ELP3: variants seen among roughly 807,000 people sequenced by gnomAD.
ELP3 encodes elongator complex protein 3.
ELP3 carries 56 observed loss-of-function variants against 74.9 expected under a neutral mutation model. The observed-to-expected ratio is 0.75, with a 90% CI of 0.60 to 0.93. The LOEUF is 0.93. ELP3 is among the 40% of genes least tolerant of loss of function. The probability of loss-of-function intolerance (pLI) is 0.00; values close to 1 mark genes in which losing one functional copy is unlikely to be tolerated. For missense variants in ELP3, 573 were observed against 686.5 expected (o/e 0.83, Z 1.85); for synonymous variants, 222 against 239.8 (o/e 0.93, Z 0.68).
At chr8:28,166,784 A>G (rs1379469346) in intron 14 of ELP3, among the ~76,000 whole-genome samples, 2 of 152,220 alleles carry the variant, frequency 1.3e-5, no homozygotes, top group Non-Finnish European at 2.9e-5. Context: ...CTATTTAAAA[A>G]GCCATTTAAC....
At chr8:28,160,490 G>A (rs1275742127) in intron 13 of ELP3, 34 bp downstream of exon 13, 1 of 1,579,822 alleles carries the variant, frequency 6.3e-7, no homozygotes. Flanking sequence ...TGACTTCTAA[G>A]AAACTGCCTA....
At chr8:28,101,003 C>T (rs1811458241) in intron 3 of ELP3, among the ~76,000 whole-genome samples, 1 of 152,148 alleles carries the variant, frequency 6.6e-6, no homozygotes, top group Admixed American at 6.5e-5. Flanking sequence ...TCTCCTGGAT[C>T]ACCTTACGTT....
chr8:28,112,948 G>T (rs1585653097), intron 6 of ELP3, 71 bp from the exon 7 acceptor site: 1 of 1,387,926 alleles, frequency 7.2e-7, no homozygotes, highest in African/African-American at 1.5e-5. Flanking sequence ...CAAAATAAGA[G>T]ATTTGCAATG....
chr8:28,099,283 ATTG>A (rs200719162), intron 2 of ELP3, among the ~76,000 whole-genome samples: 2 of 151,452 alleles, frequency 1.3e-5, no homozygotes, highest in African/African-American at 2.4e-5. Context: ...TTTTTTTTTA[ATTG>A]TTGTTGTTGT....
intron 13 of ELP3, among the ~76,000 whole-genome samples, chr8:28,160,686 T>C (rs2130550951): frequency 6.6e-6 from 1 of 152,260 alleles, no homozygotes; most frequent in Admixed American, 6.5e-5. Flanking sequence ...ACATAACAGA[T>C]TGAACCACAT....
intron 14 of ELP3, among the ~76,000 whole-genome samples, chr8:28,176,487 G>T (rs1814760116): frequency 6.6e-6 from 1 of 152,142 alleles, no homozygotes; most frequent in African/African-American, 2.4e-5. Flanking sequence ...TGGAGCTAAG[G>T]AATGGGGGAT....
At chr8:28,104,125 C>T (rs770061708) in intron 3 of ELP3, among the ~76,000 whole-genome samples, 2 of 152,128 alleles carry the variant, frequency 1.3e-5, no homozygotes, top group South Asian at 2.1e-4. Flanking sequence ...AGCATCTTTC[C>T]GTATACTTAT....
At chr8:28,092,873 T>A (rs781358938), upstream of ELP3, 3 of 318,566 alleles carry the variant, frequency 9.4e-6, no homozygotes, top group Non-Finnish European at 1.8e-5. Context: ...CACTTAGGCT[T>A]CCTGGCGCAG....
chr8:28,139,207 G>T (rs1209156905), intron 10 of ELP3, among the ~76,000 whole-genome samples: 2 of 152,198 alleles, frequency 1.3e-5, no homozygotes, highest in African/African-American at 4.8e-5. Context: ...TGGGTTGGGG[G>T]TATATGCAGA....
At chr8:28,164,920 T>C (rs986090098) in intron 14 of ELP3, among the ~76,000 whole-genome samples, 1 of 152,160 alleles carries the variant, frequency 6.6e-6, no homozygotes, top group Non-Finnish European at 1.5e-5. Flanking sequence ...TTTTTGTAAA[T>C]AGGCAGTTAT....
chr8:28,094,743 A>G (rs946159745), intron 1 of ELP3, among the ~76,000 whole-genome samples: 1 of 149,114 alleles, frequency 6.7e-6, no homozygotes, highest in Non-Finnish European at 1.5e-5. Flanking sequence ...CTCTGTCTCA[A>G]AAAGAAAAAG....
intron 9 of ELP3, among the ~76,000 whole-genome samples, chr8:28,133,911 C>T (rs972270874): frequency 6.6e-6 from 1 of 152,028 alleles, no homozygotes; most frequent in African/African-American, 2.4e-5. Flanking sequence ...TGCTCAGACA[C>T]CAGGCCAAAA....
chr8:28,139,096 C>G, intron 10 of ELP3, among the ~76,000 whole-genome samples: 1 of 152,034 alleles, frequency 6.6e-6, no homozygotes, highest in East Asian at 1.9e-4. Flanking sequence ...GAGGCAGAGG[C>G]GTGGTGCAGG....
chr8:28,103,026 C>T (rs969472223), intron 3 of ELP3, among the ~76,000 whole-genome samples: 2 of 151,990 alleles, frequency 1.3e-5, no homozygotes, highest in South Asian at 2.1e-4. Context: ...AAAAATTAGC[C>T]GGGCATGGTG....
chr8:28,171,172 T>C (rs528610572), intron 14 of ELP3, among the ~76,000 whole-genome samples: 29 of 152,204 alleles, frequency 1.9e-4, no homozygotes, highest in Non-Finnish European at 3.8e-4. Flanking sequence ...TGAGTTCTGC[T>C]TTCATTTCTT....
intron 14 of ELP3, among the ~76,000 whole-genome samples, chr8:28,175,741 C>A (rs1322492834): frequency 1.3e-5 from 2 of 150,048 alleles, no homozygotes; most frequent in Non-Finnish European, 3.0e-5. Flanking sequence ...AATGTGGTAA[C>A]TCTGGAAATC....
chr8:28,134,927 G>T, intron 9 of ELP3, among the ~76,000 whole-genome samples: 1 of 147,466 alleles, frequency 6.8e-6, no homozygotes, highest in African/African-American at 2.5e-5. Context: ...AGTTTCTTAT[G>T]CCTTTTTTTT....
intron 7 of ELP3, among the ~76,000 whole-genome samples, chr8:28,128,100 T>A (rs533038785): frequency 6.6e-6 from 1 of 152,288 alleles, no homozygotes; most frequent in South Asian, 2.1e-4. Context: ...AAATTTTTTT[T>A]AAAGGCTTCT....
chr8:28,162,079 G>A lies in ELP3; in HGVS notation c.1567+1G>A. ...TCTGGGAAAATCGCTGTGATATCAG[G>A]TAACTGGGGGAGGGCGAAGTTCATG... On this transcript the variant is annotated splice_donor_variant, in intron 14 of 14. Coordinates refer to ENST00000256398, the MANE Select transcript of ELP3 (RefSeq NM_018091.6). LOFTEE classifies it high-confidence loss of function. 1 of 1,614,086 alleles carries A rather than the reference G, an allele frequency of 6.2e-7. No individual in the cohort carries two copies. The highest frequency in any genetic ancestry group is 8.5e-7 in the Non-Finnish European group (1 of 1,179,950).
Sources: allele counts gnomAD v4.1 joint callset (sites outside exome capture counted in the v4.1 genomes callset), GRCh38; gene constraint gnomAD v4.1.1; transcripts MANE v1.5; gene names NCBI Gene and HGNC (gene_info 2026-07-23, HGNC 2026-07-21).